The following GRK3 variants were observed in gnomAD, a reference collection of about 807,000 sequenced individuals.
The protein encoded by GRK3 is adrenergic, beta, receptor kinase 2.
GRK3 carries 54 observed loss-of-function variants against 95.7 expected under a neutral mutation model. The ratio of observed to expected loss-of-function variants is 0.56; its 90% CI spans 0.45 to 0.71. The LOEUF is 0.71. Ranked by LOEUF, GRK3 falls within the 30% of genes least tolerant of loss-of-function variation. The pLI, the probability that GRK3 is intolerant of heterozygous loss-of-function variation, is 0.00. For missense variants in GRK3, 649 were observed against 851.2 expected (o/e 0.76, Z 2.96); for synonymous variants, 281 against 290.8 (o/e 0.97, Z 0.34).
At chr22:25,615,842 T>C (rs2084533867) in intron 2 of GRK3, among the ~76,000 whole-genome samples, 1 of 146,734 alleles carries the variant, frequency 6.8e-6, no homozygotes, top group South Asian at 2.2e-4. Flanking sequence ...GAAGGTGCCA[T>C]TCATAAGGAC....
chr22:25,688,428 A>G (rs1363572766), intron 11 of GRK3, among the ~76,000 whole-genome samples: 2 of 152,198 alleles, frequency 1.3e-5, no homozygotes, highest in Non-Finnish European at 2.9e-5. Context: ...GCTAAGACAT[A>G]GAATGGCCGA....
At chr22:25,616,809 T>C (rs1024860577) in intron 2 of GRK3, among the ~76,000 whole-genome samples, 1 of 152,192 alleles carries the variant, frequency 6.6e-6, no homozygotes, top group Non-Finnish European at 1.5e-5. Context: ...AGGAGAGGTT[T>C]TGATAAGAGG....
rs1457495055 is a variant in GRK3, at chr22:25,685,155, ATTG to A, written c.748-12_748-10del. ...GCTTTTGCTCTTCTTATAAACTTTTATTGTTTCACTCTAGGACTGTCCTTTCAT... is the reference window on the plus strand; with the variant it reads ...GCTTTTGCTCTTCTTATAAACTTTTATTTCACTCTAGGACTGTCCTTTCAT... On this transcript the variant is annotated splice_polypyrimidine_tract_variant and intron_variant, in intron 9 of 20. Transcript: ENST00000324198. The A allele has an allele frequency of 6.3e-7, 1 of 1,590,644 alleles. No homozygotes were observed. Among genetic ancestry groups the A allele is most frequent in the Non-Finnish European group, 8.6e-7 (1 of 1,160,344 alleles).
In GRK3 at chr22:25,724,844, T is replaced by C. The variant is rs926134816; in HGVS notation, c.*2394T>C. 5.3e-5 allele frequency: 8 copies of C among 152,124 alleles called. No individual in the cohort carries two copies. The highest frequency in any genetic ancestry group is 1.9e-4 in the African/African-American group (8 of 41,420). The allele number at this position is 152,124 out of a possible 1,614,324, so 9.4% of individuals were successfully genotyped here. A position where few individuals can be genotyped will look rare whatever the true frequency, so the allele number is the denominator to read the frequency against. ...AGTTGGATTAAACATCATGGTATAC[T>C]TGGCTGTTGTTTTTTTTTAATTTTT... On this transcript the variant is annotated 3_prime_UTR_variant, in exon 21 of 21. Coordinates refer to ENST00000324198, the MANE Select transcript of GRK3 (RefSeq NM_005160.4).
At chr22:25,578,387 C>T (rs930818338) in intron 1 of GRK3, among the ~76,000 whole-genome samples, 1 of 152,074 alleles carries the variant, frequency 6.6e-6, no homozygotes, top group Non-Finnish European at 1.5e-5. Context: ...AGTGAGACAC[C>T]CTGAACATCA....
chr22:25,714,657 A>G (rs2085369426), intron 18 of GRK3, 87 bp downstream of exon 18: 1 of 1,318,534 alleles, frequency 7.6e-7, no homozygotes, highest in Admixed American at 2.7e-5. Flanking sequence ...TTGGGTCGTA[A>G]GGTATTTTGC....
At chr22:25,697,542 T>C (rs1200273663) in intron 13 of GRK3, among the ~76,000 whole-genome samples, 3 of 152,034 alleles carry the variant, frequency 2.0e-5, no homozygotes, top group African/African-American at 4.8e-5. Context: ...AGTGGTGAAA[T>C]AGCTAGAAAT....
intron 15 of GRK3, among the ~76,000 whole-genome samples, chr22:25,704,749 GA>G (rs1468962074): frequency 6.6e-6 from 1 of 152,220 alleles, no homozygotes; most frequent in East Asian, 1.9e-4. Context: ...GTAGATGACA[GA>G]AGTGAATTCT....
chr22:25,638,670 C>A (rs1312489316), intron 2 of GRK3, among the ~76,000 whole-genome samples: 1 of 152,182 alleles, frequency 6.6e-6, no homozygotes, highest in Non-Finnish European at 1.5e-5. Context: ...TCCTGTATTC[C>A]AGACATGCTT....
intron 5 of GRK3, among the ~76,000 whole-genome samples, chr22:25,664,639 G>C (rs1483486206): frequency 6.6e-6 from 1 of 150,560 alleles, no homozygotes; most frequent in Non-Finnish European, 1.5e-5. Flanking sequence ...TCCTGCCTCA[G>C]CCTCCCAAGT....
intron 1 of GRK3, among the ~76,000 whole-genome samples, chr22:25,576,188 T>C (rs1403715170): frequency 2.6e-5 from 4 of 151,688 alleles, no homozygotes; most frequent in African/African-American, 4.9e-5. Flanking sequence ...GAGCTCTCTC[T>C]CGTGGGTCCC....
At chr22:25,566,109 C>T (rs1057110615) in intron 1 of GRK3, among the ~76,000 whole-genome samples, 1 of 152,122 alleles carries the variant, frequency 6.6e-6, no homozygotes, top group Non-Finnish European at 1.5e-5. Flanking sequence ...AATAACGTAT[C>T]AAGGCTTCAG....
At chr22:25,582,108 C>T (rs1223502948) in intron 1 of GRK3, among the ~76,000 whole-genome samples, 2 of 152,192 alleles carry the variant, frequency 1.3e-5, no homozygotes, top group East Asian at 3.9e-4. Flanking sequence ...GAATCCTCGT[C>T]GCTACTAAAA....
intron 1 of GRK3, among the ~76,000 whole-genome samples, chr22:25,596,980 C>T (rs2084376945): frequency 6.6e-6 from 1 of 152,198 alleles, no homozygotes; most frequent in African/African-American, 2.4e-5. Context: ...CATTCCATCT[C>T]CTGGCCTTGT....
At chr22:25,684,141 C>G (rs917453126) in intron 9 of GRK3, among the ~76,000 whole-genome samples, 1 of 152,192 alleles carries the variant, frequency 6.6e-6, no homozygotes, top group African/African-American at 2.4e-5. Flanking sequence ...TGTTGTGTCA[C>G]CTTAATAACA....
Position 25,565,097 on chromosome 22 carries a change from G to T in GRK3, c.57G>T (p.Lys19Asn). ...ADVSYLMAMEKSKATPAARAS... is the reference protein window; with the variant it reads ...ADVSYLMAMENSKATPAARAS... Reference sequence around the variant, plus strand: ...TCAGTTACCTGATGGCCATGGAGAAGAGCAAGGCGACCCCGGCCGCCCGCG... The same window carrying T: ...TCAGTTACCTGATGGCCATGGAGAATAGCAAGGCGACCCCGGCCGCCCGCG... Residue 19 changes from lysine to asparagine, a missense_variant, in exon 1 of 21, where the codon AAG becomes AAT. Transcript: ENST00000324198. 6.5e-7 allele frequency: 1 copy of T among 1,549,854 alleles called. No individual in the cohort carries two copies. The highest frequency in any genetic ancestry group is 1.9e-5 in the Admixed American group (1 of 52,868).
intron 2 of GRK3, among the ~76,000 whole-genome samples, chr22:25,624,870 T>C (rs1362316596): frequency 6.6e-6 from 1 of 152,186 alleles, no homozygotes; most frequent in Non-Finnish European, 1.5e-5. Flanking sequence ...AGTATCAAAC[T>C]GTTATTTGCA....
Position 25,721,340 on chromosome 22 carries a change from CA to C in GRK3, c.1854del (p.Lys618AsnfsTer7), listed in dbSNP as rs1371816265. ...CTGTGGAAGAAACTCAAATTAAAGA[CA>C]AAAAATGCATTTTGTTCAGAATAAA... ...LSVEETQIKDKKCILFRIKGG... is the reference protein window; with the variant it reads ...LSVEETQIKDXKCILFRIKGG... On this transcript the variant is annotated frameshift_variant, in exon 20 of 21. Coordinates refer to ENST00000324198, the MANE Select transcript of GRK3 (RefSeq NM_005160.4). LOFTEE classifies it high-confidence loss of function. 24 of 1,605,782 alleles carry C rather than the reference CA, an allele frequency of 1.5e-5. No individual in the cohort carries two copies. Among genetic ancestry groups the C allele is most frequent in the Non-Finnish European group, 2.0e-5 (24 of 1,176,296 alleles).
At chr22:25,667,500 A>C (rs2146407841) in intron 5 of GRK3, among the ~76,000 whole-genome samples, 1 of 152,224 alleles carries the variant, frequency 6.6e-6, no homozygotes, top group East Asian at 1.9e-4. Context: ...ATTAGGTAGT[A>C]GGAATATAGT....
Sources: gnomAD v4.1 joint callset for allele counts (sites outside exome capture counted in the v4.1 genomes callset) on GRCh38, gnomAD v4.1.1 for gene constraint, MANE v1.5 for transcripts, NCBI Gene and HGNC (gene_info 2026-07-23, HGNC 2026-07-21) for gene names.